The following AIDA variants were observed in gnomAD, a reference collection of about 807,000 sequenced individuals.
AIDA encodes axin interactor, dorsalization associated.
AIDA carries 18 observed loss-of-function variants against 42.7 expected under a neutral mutation model. The observed-to-expected ratio is 0.42, with a 90% confidence interval of 0.29 to 0.63. The LOEUF (loss-of-function observed/expected upper bound fraction) is 0.63. AIDA is among the 20% of genes least tolerant of loss of function. The pLI is 0.19. For missense variants in AIDA, 250 were observed against 354.1 expected, an observed-to-expected ratio of 0.71 and a Z score of 2.36; for synonymous variants, 104 against 122.9, an observed-to-expected ratio of 0.85 and a Z score of 1.02.
intron 1 of AIDA, among the ~76,000 whole-genome samples, chr1:222,705,744 C>T (rs1046166449): frequency 6.6e-6 from 1 of 151,976 alleles, no homozygotes; most frequent in Non-Finnish European, 1.5e-5. Context: ...ATTAGCGGGG[C>T]GTGGTGGCTG....
At chr1:222,687,732 T>A in intron 4 of AIDA, 74 bp from the exon 5 acceptor site, 2 of 1,109,610 alleles carry the variant, frequency 1.8e-6, no homozygotes, top group Non-Finnish European at 2.5e-6. Flanking sequence ...AATGATTAAT[T>A]TTTAATCAAT....
chr1:222,691,593 A>C (rs1237371349), intron 4 of AIDA, among the ~76,000 whole-genome samples: 1 of 152,228 alleles, frequency 6.6e-6, no homozygotes, highest in Non-Finnish European at 1.5e-5. Flanking sequence ...TTTTAAAAAA[A>C]AAATTATAAG....
At chr1:222,706,427 C>T (rs950012273) in intron 1 of AIDA, among the ~76,000 whole-genome samples, 1 of 151,962 alleles carries the variant, frequency 6.6e-6, no homozygotes, top group African/African-American at 2.4e-5. Flanking sequence ...ATCCAAATGT[C>T]CACCAACTAG....
chr1:222,680,089 C>T (rs1664627072), intron 6 of AIDA, among the ~76,000 whole-genome samples: 1 of 152,226 alleles, frequency 6.6e-6, no homozygotes, highest in South Asian at 2.1e-4. Flanking sequence ...GATAATACTA[C>T]ACCATCTGCA....
At chr1:222,690,451 A>C (rs1655341052) in intron 4 of AIDA, among the ~76,000 whole-genome samples, 1 of 152,180 alleles carries the variant, frequency 6.6e-6, no homozygotes, top group Non-Finnish European at 1.5e-5. Context: ...ACTACTCGTG[A>C]TTACATTAAA....
intron 4 of AIDA, among the ~76,000 whole-genome samples, chr1:222,690,608 C>G (rs1466012684): frequency 6.6e-6 from 1 of 152,096 alleles, no homozygotes; most frequent in East Asian, 1.9e-4. Context: ...CCAGAGACTG[C>G]ATGTTGCAAT....
chr1:222,700,351 A>T (rs894021738), intron 2 of AIDA, among the ~76,000 whole-genome samples: 1 of 152,242 alleles, frequency 6.6e-6, no homozygotes, highest in Non-Finnish European at 1.5e-5. Context: ...CATTTCATAC[A>T]TAAGAAAATT....
At chr1:222,675,808 T>A (rs1393909158) in intron 7 of AIDA, among the ~76,000 whole-genome samples, 1 of 152,206 alleles carries the variant, frequency 6.6e-6, no homozygotes, top group Non-Finnish European at 1.5e-5. Flanking sequence ...GTTAAAGATG[T>A]GTAGCCAGCA....
At chr1:222,712,169 T>G (rs1571949427) in intron 1 of AIDA, 39 bp downstream of exon 1, 1 of 1,561,180 alleles carries the variant, frequency 6.4e-7, no homozygotes, top group African/African-American at 1.4e-5. Context: ...GGCGCACGAC[T>G]GGAGCCGGTC....
In AIDA at chr1:222,676,185, C is replaced by A; in HGVS notation, c.494G>T (p.Gly165Val). The change falls in exon 7 of 10, where the codon GGA becomes GTA. Residue 165 changes from glycine (G) to valine (V), a missense_variant. Around this residue, in one of 4 missense-constraint regions of AIDA, gnomAD observed 199 missense variants for 232.6 expected, o/e 0.86. Coordinates refer to ENST00000340020, the MANE Select transcript of AIDA (RefSeq NM_022831.4). ...TLLPRLPSEP[G>V]MTLLTIRIEK... The stretch of plus-strand genomic sequence containing the variant: ...AATTCTGATAGTGAGTAATGTCATT[C>A]CTGGTTCCGATGGCAACCTTGGTAA... 2 of 1,612,300 alleles carry A rather than the reference C, an allele frequency of 1.2e-6. No homozygotes were observed. Among genetic ancestry groups the A allele is most frequent in the Non-Finnish European group, 1.7e-6 (2 of 1,179,328 alleles).
In AIDA at chr1:222,668,917, G is replaced by T. The variant is rs1335467962; in HGVS notation, c.*976C>A. 1 of 151,254 alleles carries T rather than the reference G, an allele frequency of 6.6e-6. No homozygotes were observed. Among genetic ancestry groups the T allele is most frequent in the South Asian group, 2.1e-4 (1 of 4,772 alleles). 9.4% of individuals were successfully genotyped at this position (151,254 alleles called of 1,614,324 possible). ...TATATCTAAATAGGAAATAAATGGCGATCCTATCTACCTATATAAAAAAAA... is the reference window on the plus strand; with the variant it reads ...TATATCTAAATAGGAAATAAATGGCTATCCTATCTACCTATATAAAAAAAA... On this transcript the variant is annotated 3_prime_UTR_variant, in exon 10 of 10. Coordinates refer to ENST00000340020, the MANE Select transcript of AIDA (RefSeq NM_022831.4).
intron 1 of AIDA, among the ~76,000 whole-genome samples, chr1:222,711,084 G>A (rs1571947137): frequency 6.6e-6 from 1 of 151,586 alleles, no homozygotes; most frequent in South Asian, 2.1e-4. Flanking sequence ...GTTGTGTGTC[G>A]GGGGCGGATG....
At chr1:222,710,881 G>A (rs1287308630) in intron 1 of AIDA, among the ~76,000 whole-genome samples, 1 of 152,202 alleles carries the variant, frequency 6.6e-6, no homozygotes, top group Non-Finnish European at 1.5e-5. Flanking sequence ...CAAAACAAAT[G>A]CTAGTAGTTG....
At chr1:222,676,046 C>G in intron 7 of AIDA, 50 bp downstream of exon 7, 1 of 1,520,166 alleles carries the variant, frequency 6.6e-7, no homozygotes, top group South Asian at 1.3e-5. Context: ...AAATGAGAAG[C>G]AACATTATAA....
At position 222,693,811 on chromosome 1, in the gene AIDA, C is replaced by T. The variant is rs1655440315; in HGVS notation, c.267G>A (p.Glu89=). The change falls in exon 4 of 10, where the codon GAG becomes GAA. Residue 89 remains glutamate (E), a synonymous_variant. Coordinates refer to ENST00000340020, the MANE Select transcript of AIDA (RefSeq NM_022831.4). ...STQSQEEFKL[E]DLKKLEPILK... The stretch of plus-strand genomic sequence containing the variant: ...TACTTGGTTCTAGCTTCTTCAGGTC[C>T]TCCAGTTTAAATTCTTCTTGAGACT... 3 of 1,609,742 alleles carry T rather than the reference C, an allele frequency of 1.9e-6. No homozygotes were observed. The highest frequency in any genetic ancestry group is 2.5e-6 in the Non-Finnish European group (3 of 1,177,026).
intron 1 of AIDA, among the ~76,000 whole-genome samples, chr1:222,704,786 G>A (rs530971927): frequency 6.6e-6 from 1 of 152,228 alleles, no homozygotes; most frequent in East Asian, 1.9e-4. Flanking sequence ...CTTTAAACTG[G>A]TAAGTTTCAT....
chr1:222,679,686 C>T lies in AIDA; in HGVS notation c.461-3468G>A, dbSNP rs75053651. 1.9e-3 allele frequency among the ~76,000 whole-genome samples: 295 copies of T among 152,302 alleles called. 8 individuals are homozygous for T. The East Asian group carries it at 0.044, about 23-fold the overall frequency. ...TGCCCACAATCATATAGCAGTTTGG[C>T]ACGGGATTCCATGCTTGTAACCACC... On this transcript the variant is annotated intron_variant, in intron 6 of 9. Coordinates refer to ENST00000340020, the MANE Select transcript of AIDA (RefSeq NM_022831.4).
intron 4 of AIDA, among the ~76,000 whole-genome samples, chr1:222,691,581 AT>A (rs1273601246): frequency 1.3e-5 from 2 of 151,618 alleles, no homozygotes; most frequent in South Asian, 2.1e-4. Context: ...AAAAAGCACT[AT>A]TTTTAAAAAA....
chr1:222,673,050 T>C (rs554543666), intron 8 of AIDA, among the ~76,000 whole-genome samples: 1 of 152,346 alleles, frequency 6.6e-6, no homozygotes, highest in Non-Finnish European at 1.5e-5. Context: ...CTTTAGTGTG[T>C]GAAAAACTTT....
Sources: gnomAD v4.1 joint callset for allele counts (sites outside exome capture counted in the v4.1 genomes callset) on GRCh38, gnomAD v4.1.1 for gene constraint, gnomAD v4.1.1 regional missense constraint, MANE v1.5 for transcripts, NCBI Gene and HGNC (gene_info 2026-07-23, HGNC 2026-07-21) for gene names.